Variants in HMBOX1 observed in about 807,000 individuals in gnomAD.
The protein encoded by HMBOX1 is homeobox containing 1, also known as homeobox-containing protein 1.
Under a neutral mutation model 54.5 loss-of-function variants are expected in HMBOX1, and 14 were observed. That is an observed-to-expected ratio of 0.26 (90% confidence interval 0.17 to 0.40). The LOEUF (loss-of-function observed/expected upper bound fraction) is 0.40, where lower values mean the gene tolerates loss of function less well. Among genes scored for constraint, HMBOX1 ranks in the 10% least tolerant of loss-of-function variants. HMBOX1 has a pLI of 1.00. For missense variants in HMBOX1, 332 were observed against 514.4 expected, an observed-to-expected ratio of 0.65 and a Z score of 3.43; for synonymous variants, 160 against 181.0, an observed-to-expected ratio of 0.88 and a Z score of 0.93.
In HMBOX1 at chr8:28,958,420, G is replaced by A. The variant is rs894405439; in HGVS notation, c.-57-5391G>A. Among the ~76,000 whole-genome samples, 25 of 152,096 alleles carry A rather than the reference G, an allele frequency of 1.6e-4. 1 individual carries two copies. Among genetic ancestry groups the A allele is most frequent in the Admixed American group, 1.6e-3 (24 of 15,280 alleles). ...TTTTTCCTGTAAACTTTAAGTCAGT[G>A]TTTACTTATAAAGGATTTAGTGGGC... On this transcript the variant is annotated intron_variant, in intron 1 of 9. Coordinates refer to ENST00000287701, the MANE Select transcript of HMBOX1 (RefSeq NM_001135726.3).
intron 3 of HMBOX1, among the ~76,000 whole-genome samples, chr8:28,976,110 T>G (rs1257088067): frequency 6.6e-6 from 1 of 152,224 alleles, no homozygotes; most frequent in East Asian, 1.9e-4. Flanking sequence ...AAATGACACA[T>G]CACTGCTTGC....
chr8:29,037,222 T>TA (rs1255731916), intron 6 of HMBOX1, among the ~76,000 whole-genome samples: 1 of 152,202 alleles, frequency 6.6e-6, no homozygotes, highest in African/African-American at 2.4e-5. Flanking sequence ...AGCTCATCTG[T>TA]AAAAAATACA....
intron 1 of HMBOX1, among the ~76,000 whole-genome samples, chr8:28,896,390 A>ACTCTATGGTG (rs1258063517): frequency 1.6e-5 from 2 of 124,570 alleles, no homozygotes; most frequent in Admixed American, 7.6e-5. Flanking sequence ...AGGTGTGTAG[A>ACTCTATGGTG]TTGCATAATC....
At chr8:28,933,592 C>T (rs1819868500) in intron 1 of HMBOX1, among the ~76,000 whole-genome samples, 1 of 151,050 alleles carries the variant, frequency 6.6e-6, no homozygotes, top group Non-Finnish European at 1.5e-5. Context: ...CACAAATTAC[C>T]AATATCTGGA....
At chr8:28,993,218 CTACT>C (rs1317219614) in intron 4 of HMBOX1, among the ~76,000 whole-genome samples, 1 of 152,024 alleles carries the variant, frequency 6.6e-6, no homozygotes, top group African/African-American at 2.4e-5. Context: ...AAAATAGACA[CTACT>C]TATGTAACAA....
chr8:28,990,647 G>A (rs983437170), intron 4 of HMBOX1, among the ~76,000 whole-genome samples: 4 of 151,648 alleles, frequency 2.6e-5, no homozygotes, highest in African/African-American at 9.7e-5. Context: ...TTTGTTTTTT[G>A]TTTGTTTGTT....
chr8:28,945,559 G>A lies in HMBOX1; in HGVS notation c.-57-18252G>A, dbSNP rs193161200. On this transcript the variant is annotated intron_variant, in intron 1 of 9. Coordinates refer to ENST00000287701, the MANE Select transcript of HMBOX1 (RefSeq NM_001135726.3). Reference sequence around the variant, plus strand: ...AGATAACAGTAGGATTGGAGAGAAGGTTATAAATAAAAGAACCTGCTAAGG... The same window carrying A: ...AGATAACAGTAGGATTGGAGAGAAGATTATAAATAAAAGAACCTGCTAAGG... 7.9e-5 allele frequency among the ~76,000 whole-genome samples: 12 copies of A among 152,300 alleles called. No individual in the cohort carries two copies. The East Asian group carries it at 1.5e-3, about 20-fold the overall frequency.
chr8:29,008,172 G>A (rs1294870786), intron 4 of HMBOX1, among the ~76,000 whole-genome samples: 1 of 152,154 alleles, frequency 6.6e-6, no homozygotes, highest in Non-Finnish European at 1.5e-5. Context: ...CTGCCTTGTG[G>A]ACTTACAAGA....
intron 1 of HMBOX1, among the ~76,000 whole-genome samples, chr8:28,940,678 T>TG (rs1172357740): frequency 1.3e-5 from 2 of 152,248 alleles, no homozygotes; most frequent in Non-Finnish European, 2.9e-5. Context: ...TCTGGACCCT[T>TG]GCATTCTGTC....
chr8:29,026,429 A>G (rs1369420680), intron 6 of HMBOX1, among the ~76,000 whole-genome samples: 1 of 152,114 alleles, frequency 6.6e-6, no homozygotes, highest in Non-Finnish European at 1.5e-5. Context: ...GAAGATTTGT[A>G]AAATCAGTTG....
chr8:29,026,043 T>TAC (rs35597688), intron 6 of HMBOX1, among the ~76,000 whole-genome samples: 6,416 of 143,516 alleles, frequency 0.045, 163 homozygotes, highest in African/African-American at 0.056. Context: ...TGCTACCATG[T>TAC]ACACACACAC....
At chr8:28,978,994 C>T (rs1047012575) in intron 3 of HMBOX1, among the ~76,000 whole-genome samples, 1 of 152,136 alleles carries the variant, frequency 6.6e-6, no homozygotes, top group Non-Finnish European at 1.5e-5. Context: ...TTAGCATTTT[C>T]TGTCGTCAAA....
intron 1 of HMBOX1, among the ~76,000 whole-genome samples, chr8:28,903,993 A>G (rs1354185395): frequency 6.6e-6 from 1 of 152,094 alleles, no homozygotes; most frequent in African/African-American, 2.4e-5. Context: ...TTACAGGCCA[A>G]TATCTCCCGC....
intron 1 of HMBOX1, among the ~76,000 whole-genome samples, chr8:28,913,929 G>A (rs912307337): frequency 6.7e-6 from 1 of 149,966 alleles, no homozygotes; most frequent in African/African-American, 2.5e-5. Context: ...GGAGTGCAGT[G>A]GCACAATCTC....
At chr8:28,958,339 A>G (rs1279914405) in intron 1 of HMBOX1, among the ~76,000 whole-genome samples, 2 of 152,260 alleles carry the variant, frequency 1.3e-5, no homozygotes, top group Middle Eastern at 3.4e-3. Context: ...TGACAAAAAG[A>G]TATTTTTCTC....
chr8:28,898,170 G>C (rs1812529022), intron 1 of HMBOX1, among the ~76,000 whole-genome samples: 1 of 152,054 alleles, frequency 6.6e-6, no homozygotes, highest in African/African-American at 2.4e-5. Context: ...AATAAAGGTA[G>C]ATCACCTGAT....
chr8:28,920,554 G>C (rs1013626049), intron 1 of HMBOX1, among the ~76,000 whole-genome samples: 1 of 152,208 alleles, frequency 6.6e-6, no homozygotes, highest in East Asian at 1.9e-4. Flanking sequence ...TTTATGCATA[G>C]TGCCCTCATA....
chr8:29,000,140 C>T (rs995989836), intron 4 of HMBOX1, among the ~76,000 whole-genome samples: 1 of 152,148 alleles, frequency 6.6e-6, no homozygotes, highest in Non-Finnish European at 1.5e-5. Context: ...TCCTTGTCAG[C>T]TTAGTGGTCA....
At position 29,022,803 on chromosome 8, in the gene HMBOX1, G is replaced by A. The variant is rs181312999; in HGVS notation, c.851+3890G>A. 4.8e-4 allele frequency among the ~76,000 whole-genome samples: 63 copies of A among 130,594 alleles called. 1 individual carries two copies. The highest frequency in any genetic ancestry group is 1.5e-3 in the African/African-American group (53 of 34,632). The allele number at this position is 130,594 out of a possible 152,430, so 85.7% of individuals were successfully genotyped here. ...AAGAGAGGTAGAAGCTAGATTTCTC[G>A]GAAAATACTTTGTTTTGACCTGTAA... is the stretch of plus-strand genomic sequence containing the variant. On this transcript the variant is annotated intron_variant, in intron 6 of 9. Coordinates refer to ENST00000287701, the MANE Select transcript of HMBOX1 (RefSeq NM_001135726.3).
Sources: allele counts gnomAD v4.1 joint callset (sites outside exome capture counted in the v4.1 genomes callset), GRCh38; gene constraint gnomAD v4.1.1; transcripts MANE v1.5; gene names NCBI Gene and HGNC (gene_info 2026-07-23, HGNC 2026-07-21).